KCNC2: variants seen among roughly 807,000 people sequenced by gnomAD.
KCNC2 encodes the protein voltage-gated potassium channel KCNC2.
Under a neutral mutation model 44.5 loss-of-function variants are expected in KCNC2, and 21 were observed. That is an observed-to-expected ratio of 0.47 (90% CI 0.33 to 0.68). The LOEUF is 0.68. Ranked by LOEUF, KCNC2 falls within the 30% of genes least tolerant of loss-of-function variation. KCNC2 has a pLI of 0.01. For synonymous variants in KCNC2, 391 were observed against 339.1 expected (o/e 1.15, Z -1.68); for missense variants, 589 against 826.2 (o/e 0.71, Z 3.52).
In KCNC2 at chr12:75,041,680, T is replaced by A. The variant is rs1879919402; in HGVS notation, c.*1425A>T. On this transcript the variant is annotated 3_prime_UTR_variant, in exon 5 of 5. Transcript: ENST00000549446. ...GATTTTGTTGGAGTGTAGTAATGAA[T>A]GCTGGTTGCTAGGTAGTAGAAACTG... 1.0e-6 allele frequency: 1 copy of A among 1,001,266 alleles called. No homozygotes were observed. Among genetic ancestry groups the A allele is most frequent in the African/African-American group, 1.7e-5 (1 of 57,624 alleles). The allele number at this position is 1,001,266 out of a possible 1,614,324, so 62.0% of individuals were successfully genotyped here. A position where few individuals can be genotyped will look rare whatever the true frequency, so the allele number is the denominator to read the frequency against.
At chr12:75,099,030 C>G (rs939897025) in intron 2 of KCNC2, among the ~76,000 whole-genome samples, 1 of 152,076 alleles carries the variant, frequency 6.6e-6, no homozygotes, top group Non-Finnish European at 1.5e-5. Flanking sequence ...GCAAAAATAT[C>G]TTCTATTTTC....
At chr12:75,072,213 TA>T (rs1166933408) in intron 2 of KCNC2, among the ~76,000 whole-genome samples, 2 of 152,198 alleles carry the variant, frequency 1.3e-5, no homozygotes, top group African/African-American at 4.8e-5. Context: ...TAGCTGTTAC[TA>T]AACGGCTAAC....
intron 2 of KCNC2, among the ~76,000 whole-genome samples, chr12:75,189,299 G>T (rs1260887407): frequency 2.0e-5 from 3 of 152,146 alleles, no homozygotes; most frequent in Admixed American, 2.0e-4. Context: ...CCATGGTCAC[G>T]TTCTCTACAA....
intron 2 of KCNC2, among the ~76,000 whole-genome samples, chr12:75,095,533 C>A (rs1161541115): frequency 1.3e-5 from 2 of 151,790 alleles, no homozygotes; most frequent in Non-Finnish European, 2.9e-5. Flanking sequence ...TGTTCCCTCT[C>A]CTTCTTGTTC....
At chr12:75,208,739 GA>G (rs958425145) in intron 1 of KCNC2, among the ~76,000 whole-genome samples, 83 of 149,294 alleles carry the variant, frequency 5.6e-4, no homozygotes, top group African/African-American at 1.5e-3. Flanking sequence ...AGAAGTCAGA[GA>G]AAAAAAAAAT....
chr12:75,180,200 G>A (rs1430551990), intron 2 of KCNC2, among the ~76,000 whole-genome samples: 5 of 151,808 alleles, frequency 3.3e-5, no homozygotes, highest in African/African-American at 4.8e-5. Flanking sequence ...CATATAGTTA[G>A]TATCACACCA....
intron 2 of KCNC2, among the ~76,000 whole-genome samples, chr12:75,203,990 T>A (rs2031493102): frequency 6.6e-6 from 1 of 151,952 alleles, no homozygotes; most frequent in Admixed American, 6.5e-5. Context: ...ACACATTAAA[T>A]TGAAAATATA....
chr12:75,161,968 G>A (rs1430735465), intron 2 of KCNC2, among the ~76,000 whole-genome samples: 2 of 151,708 alleles, frequency 1.3e-5, no homozygotes, highest in African/African-American at 4.8e-5. Context: ...TGAATTCTGT[G>A]CTTATATTCC....
chr12:75,041,160 T>A lies in KCNC2; in HGVS notation c.*1945A>T. 3.1e-6 allele frequency: 5 copies of A among 1,596,718 alleles called. No individual in the cohort carries two copies. The highest frequency in any genetic ancestry group is 4.2e-6 in the Non-Finnish European group (5 of 1,178,684). The stretch of plus-strand genomic sequence containing the variant: ...AGTCCTTGGTATGGCTAAATTCCAC[T>A]GTCCCTTTCTCAGCAGTCAATAATC... On this transcript the variant is annotated 3_prime_UTR_variant, in exon 5 of 5. Coordinates refer to ENST00000549446, the MANE Select transcript of KCNC2 (RefSeq NM_139137.4).
rs1429005165 is a variant in KCNC2, at chr12:75,207,374, T to C, written c.610A>G (p.Lys204Glu). The C allele has an allele frequency of 1.3e-6, 2 of 1,579,454 alleles. No individual in the cohort carries two copies. The highest frequency in any genetic ancestry group is 4.7e-5 in the East Asian group (2 of 42,914). ...TGCAGCCTCCTCCAGCGGCCAGATT[T>C]GCCGTCGGGGCCCCCGAGCCCCGCC... Reference protein sequence around the residue: ...DAAGLGGPDGKSGRWRRLQPR... With the variant: ...DAAGLGGPDGESGRWRRLQPR... Residue 204 changes from lysine to glutamate, a missense_variant, in exon 2 of 5, where the codon AAA becomes GAA. Physicochemically the swap from Lys to Glu is moderately conservative, Grantham distance 56 (BLOSUM62 1). This residue lies in a region of KCNC2 where 97 missense variants were observed against 73.3 expected (regional missense o/e 1.32). Transcript: ENST00000549446. This position sits in a 1 kb window ranked among gnomAD's most constrained non-coding sequence, Gnocchi z 4.1.
intron 3 of KCNC2, among the ~76,000 whole-genome samples, chr12:75,048,884 T>A (rs1366085419): frequency 6.6e-6 from 1 of 152,082 alleles, no homozygotes; most frequent in Non-Finnish European, 1.5e-5. Context: ...GGCCAACTTC[T>A]CCAAATGTCC....
At chr12:75,113,205 G>A (rs1457979993) in intron 2 of KCNC2, among the ~76,000 whole-genome samples, 1 of 152,004 alleles carries the variant, frequency 6.6e-6, no homozygotes, top group Non-Finnish European at 1.5e-5. Context: ...ATACATAATG[G>A]GGTCTATCAT....
chr12:75,200,942 G>A (rs940211675), intron 2 of KCNC2, among the ~76,000 whole-genome samples: 2 of 151,644 alleles, frequency 1.3e-5, no homozygotes, highest in Non-Finnish European at 3.0e-5. Context: ...AATATGAAAA[G>A]GGGAAAAACA....
At chr12:75,155,095 C>A (rs931578544) in intron 2 of KCNC2, among the ~76,000 whole-genome samples, 22 of 148,734 alleles carry the variant, frequency 1.5e-4, no homozygotes, top group African/African-American at 5.5e-4. Context: ...ATTATAGATT[C>A]AATCTTGTCT....
chr12:75,048,088 C>T, intron 4 of KCNC2, 65 bp downstream of exon 4: 1 of 1,402,638 alleles, frequency 7.1e-7, no homozygotes, highest in Admixed American at 1.8e-5. Context: ...TTTTACATTA[C>T]TCCATGTATT....
chr12:75,150,329 T>C (rs372242244), intron 2 of KCNC2, among the ~76,000 whole-genome samples: 1 of 151,920 alleles, frequency 6.6e-6, no homozygotes, highest in Non-Finnish European at 1.5e-5. Flanking sequence ...AGTAAGCTTA[T>C]AGTTCTGTGA....
chr12:75,042,700 G>C lies in KCNC2; in HGVS notation c.*405C>G. On this transcript the variant is annotated 3_prime_UTR_variant, in exon 5 of 5. Coordinates refer to ENST00000549446, the MANE Select transcript of KCNC2 (RefSeq NM_139137.4). ...CACAAGTCATGTCGTGTGCAATCAA[G>C]ATAGGATCCCAGACATCTTCAGAAT... 1 of 1,181,700 alleles carries C rather than the reference G, an allele frequency of 8.5e-7. No homozygotes were observed. Among genetic ancestry groups the C allele is most frequent in the Non-Finnish European group, 1.0e-6 (1 of 953,104 alleles). 73.2% of individuals were successfully genotyped at this position (1,181,700 alleles called of 1,614,324 possible). A position where few individuals can be genotyped will look rare whatever the true frequency, so the allele number is the denominator to read the frequency against.
chr12:75,152,906 C>T (rs192027525), intron 2 of KCNC2, among the ~76,000 whole-genome samples: 5 of 151,718 alleles, frequency 3.3e-5, no homozygotes, highest in South Asian at 4.2e-4. Context: ...ACACAACATT[C>T]GAAAATTAGA....
At chr12:75,188,511 A>G (rs1469445493) in intron 2 of KCNC2, among the ~76,000 whole-genome samples, 1 of 152,138 alleles carries the variant, frequency 6.6e-6, no homozygotes, top group Admixed American at 6.5e-5. Flanking sequence ...TTTACTATAT[A>G]TCTGAAATTG....
Sources: gnomAD v4.1 joint callset for allele counts (sites outside exome capture counted in the v4.1 genomes callset) on GRCh38, gnomAD v4.1.1 for gene constraint, gnomAD v4.1.1 regional missense constraint, Gnocchi (gnomAD v3.1) non-coding constraint, MANE v1.5 for transcripts, NCBI Gene and HGNC (gene_info 2026-07-23, HGNC 2026-07-21) for gene names.